ROR1: variants seen among roughly 807,000 people sequenced by gnomAD.
The protein encoded by ROR1 is inactive tyrosine-protein kinase transmembrane receptor ROR1.
Under a neutral mutation model 78.8 loss-of-function variants are expected in ROR1, and 19 were observed. That is an observed-to-expected ratio of 0.24 (90% confidence interval 0.17 to 0.35). The LOEUF (loss-of-function observed/expected upper bound fraction) is 0.35, where lower values mean the gene tolerates loss of function less well. ROR1 is among the 10% of genes least tolerant of loss of function. The pLI, the probability that ROR1 is intolerant of heterozygous loss-of-function variation, is 1.00. For missense variants in ROR1, 917 were observed against 1,177.8 expected (o/e 0.78, Z 3.24); for synonymous variants, 386 against 433.6 (o/e 0.89, Z 1.36).
intron 1 of ROR1, among the ~76,000 whole-genome samples, chr1:63,829,537 C>A (rs1046576040): frequency 6.6e-5 from 10 of 151,798 alleles, no homozygotes; most frequent in African/African-American, 2.4e-4. Context: ...ATTCAACAGG[C>A]GAAGGGAGTG....
chr1:64,057,765 T>A (rs1646886645), intron 4 of ROR1, among the ~76,000 whole-genome samples: 1 of 152,210 alleles, frequency 6.6e-6, no homozygotes, highest in Non-Finnish European at 1.5e-5. Context: ...GTAAAACTAG[T>A]CATCACCTCT....
chr1:63,829,006 T>C (rs866937721), intron 1 of ROR1, among the ~76,000 whole-genome samples: 3 of 152,248 alleles, frequency 2.0e-5, no homozygotes, highest in African/African-American at 7.2e-5. Context: ...AACTGATATA[T>C]TGATGTACTG....
intron 1 of ROR1, among the ~76,000 whole-genome samples, chr1:63,848,724 C>A (rs764553383): frequency 6.6e-6 from 1 of 151,980 alleles, no homozygotes; most frequent in African/African-American, 2.4e-5. Flanking sequence ...ATGGCAAAAA[C>A]GTCTGGTAGT....
At chr1:63,912,551 A>C (rs1645579488) in intron 1 of ROR1, among the ~76,000 whole-genome samples, 1 of 152,184 alleles carries the variant, frequency 6.6e-6, no homozygotes, top group African/African-American at 2.4e-5. Flanking sequence ...GATAACATGT[A>C]CAAAGGCAAA....
At position 63,871,209 on chromosome 1, in the gene ROR1, A is replaced by T. The variant is rs375649899; in HGVS notation, c.91+96701A>T. Among the ~76,000 whole-genome samples the T allele has an allele frequency of 1.1e-4, 16 of 152,282 alleles. No homozygotes were observed. In the South Asian group the frequency reaches 1.2e-3, roughly 12 times the overall value. ...GTGGAGTCTGTGAGCTATTTTCAGT[A>T]TTTCAAAATCTATGAAAAGGAGACA... On this transcript the variant is annotated intron_variant, in intron 1 of 8. Coordinates refer to ENST00000371079, the MANE Select transcript of ROR1 (RefSeq NM_005012.4).
chr1:63,808,968 C>T (rs757129029), intron 1 of ROR1, among the ~76,000 whole-genome samples: 2 of 151,896 alleles, frequency 1.3e-5, no homozygotes, highest in Non-Finnish European at 2.9e-5. Flanking sequence ...TAATTATCAG[C>T]GTGGACCTTG....
At chr1:63,786,048 G>C (rs556073113) in intron 1 of ROR1, among the ~76,000 whole-genome samples, 10 of 151,808 alleles carry the variant, frequency 6.6e-5, no homozygotes, top group South Asian at 4.2e-4. Flanking sequence ...ACTGAGGAAG[G>C]GGGGAGCTGA....
intron 1 of ROR1, among the ~76,000 whole-genome samples, chr1:63,952,284 G>T (rs184648233): frequency 1.3e-5 from 2 of 151,554 alleles, no homozygotes; most frequent in African/African-American, 2.4e-5. Context: ...ACAGGAACAT[G>T]CTGGGCCTTT....
intron 7 of ROR1, among the ~76,000 whole-genome samples, chr1:64,145,072 T>C (rs1421169988): frequency 2.0e-5 from 3 of 152,330 alleles, no homozygotes; most frequent in South Asian, 2.1e-4. Flanking sequence ...ACATTATCTA[T>C]TATTATATAG....
At chr1:63,837,635 A>G (rs573413612) in intron 1 of ROR1, among the ~76,000 whole-genome samples, 2 of 152,282 alleles carry the variant, frequency 1.3e-5, no homozygotes, top group South Asian at 4.2e-4. Context: ...AGCTTGGCCA[A>G]CATAGTGAGA....
chr1:63,904,296 T>C (rs929392499), intron 1 of ROR1, among the ~76,000 whole-genome samples: 2 of 152,186 alleles, frequency 1.3e-5, no homozygotes, highest in Non-Finnish European at 2.9e-5. Context: ...AGGAGGAAAC[T>C]GAGGCCCAGA....
chr1:63,860,300 T>A (rs1347979282), intron 1 of ROR1, among the ~76,000 whole-genome samples: 1 of 152,144 alleles, frequency 6.6e-6, no homozygotes, highest in Non-Finnish European at 1.5e-5. Flanking sequence ...AACTTTCCTA[T>A]CTGTAAGGAG....
At chr1:63,860,822 G>C (rs947020613) in intron 1 of ROR1, among the ~76,000 whole-genome samples, 3 of 151,778 alleles carry the variant, frequency 2.0e-5, no homozygotes, top group Non-Finnish European at 4.4e-5. Context: ...ACAATCTGGT[G>C]GTAGACACCA....
chr1:64,059,368 T>A (rs1157195527), intron 4 of ROR1, among the ~76,000 whole-genome samples: 2 of 152,184 alleles, frequency 1.3e-5, no homozygotes, highest in Non-Finnish European at 2.9e-5. Context: ...GTGAATTTCC[T>A]GAATTAATTC....
chr1:64,042,155 G>A (rs1197636747), intron 2 of ROR1, among the ~76,000 whole-genome samples: 2 of 152,136 alleles, frequency 1.3e-5, no homozygotes, highest in Non-Finnish European at 2.9e-5. Context: ...CTGTAGCCAG[G>A]TGTTCTCTTA....
intron 1 of ROR1, among the ~76,000 whole-genome samples, chr1:63,986,843 G>A (rs1481422892): frequency 6.6e-6 from 1 of 151,292 alleles, no homozygotes; most frequent in African/African-American, 2.4e-5. Flanking sequence ...GCGGCAACAA[G>A]CCATATTTGA....
At chr1:63,833,481 G>T (rs1197351466) in intron 1 of ROR1, among the ~76,000 whole-genome samples, 1 of 152,152 alleles carries the variant, frequency 6.6e-6, no homozygotes, top group Non-Finnish European at 1.5e-5. Flanking sequence ...GCTTTGTTTT[G>T]TGGGTCTTCA....
chr1:63,958,917 C>A (rs961402322), intron 1 of ROR1, among the ~76,000 whole-genome samples: 2 of 152,172 alleles, frequency 1.3e-5, no homozygotes, highest in African/African-American at 4.8e-5. Flanking sequence ...ATGCCCACAT[C>A]TACCTGTACC....
At chr1:63,996,753 C>T (rs908479735) in intron 1 of ROR1, among the ~76,000 whole-genome samples, 3 of 151,956 alleles carry the variant, frequency 2.0e-5, no homozygotes, top group African/African-American at 4.8e-5. Flanking sequence ...ATTAACAGTG[C>T]GCTAGAGGGG....
Sources: allele counts gnomAD v4.1 joint callset (sites outside exome capture counted in the v4.1 genomes callset), GRCh38; gene constraint gnomAD v4.1.1; transcripts MANE v1.5; gene names NCBI Gene and HGNC (gene_info 2026-07-23, HGNC 2026-07-21).